GUCY1A2: variants seen among roughly 807,000 people sequenced by gnomAD.
GUCY1A2 encodes guanylate cyclase soluble subunit alpha-2.
Under a neutral mutation model 63.5 loss-of-function variants are expected in GUCY1A2, and 27 were observed. That is an observed-to-expected ratio of 0.43 (90% CI 0.31 to 0.59). The LOEUF (loss-of-function observed/expected upper bound fraction) is 0.59, where lower values mean the gene tolerates loss of function less well. Among genes scored for constraint, GUCY1A2 ranks in the 20% least tolerant of loss-of-function variants. GUCY1A2 has a pLI of 0.11. For missense variants in GUCY1A2, 768 were observed against 913.3 expected (o/e 0.84, Z 2.05); for synonymous variants, 364 against 343.5 (o/e 1.06, Z -0.66).
At chr11:106,979,371 T>C (rs11821702) in intron 2 of GUCY1A2, among the ~76,000 whole-genome samples, 16,203 of 147,344 alleles carry the variant, frequency 0.11, 1,520 homozygotes, top group East Asian at 0.3. Flanking sequence ...AGAAGAATGG[T>C]GTGAACCCAG....
At chr11:106,936,769 C>A (rs1860683838) in intron 4 of GUCY1A2, 4 of 899,184 alleles carry the variant, frequency 4.4e-6, no homozygotes, top group Admixed American at 2.2e-5. Flanking sequence ...AATGCACAAA[C>A]AAAACAGTTA....
chr11:106,889,436 A>T (rs1859945768), intron 4 of GUCY1A2, among the ~76,000 whole-genome samples: 1 of 152,154 alleles, frequency 6.6e-6, no homozygotes, highest in Non-Finnish European at 1.5e-5. Context: ...CCTATCTCAG[A>T]TCTGCTTAAA....
chr11:106,847,852 GCTT>G (rs1186128373), intron 4 of GUCY1A2, among the ~76,000 whole-genome samples: 1 of 151,540 alleles, frequency 6.6e-6, no homozygotes, highest in African/African-American at 2.4e-5. Context: ...AATAAGAAAT[GCTT>G]TTTTTTAAAT....
At chr11:106,805,306 C>A (rs957194227) in intron 5 of GUCY1A2, among the ~76,000 whole-genome samples, 6 of 150,874 alleles carry the variant, frequency 4.0e-5, no homozygotes, top group African/African-American at 1.5e-4. Context: ...AATGCAGTGG[C>A]GTGATCTCAG....
At chr11:106,898,699 G>T (rs573970150) in intron 4 of GUCY1A2, among the ~76,000 whole-genome samples, 52 of 152,140 alleles carry the variant, frequency 3.4e-4, no homozygotes, top group Admixed American at 1.0e-3. Context: ...GGGGTTAAGG[G>T]GTAGGGAAGG....
At chr11:106,987,187 T>A (rs964482570) in intron 1 of GUCY1A2, among the ~76,000 whole-genome samples, 1 of 152,208 alleles carries the variant, frequency 6.6e-6, no homozygotes, top group Non-Finnish European at 1.5e-5. Context: ...GGAATACGAA[T>A]GTAATACAAA....
intron 6 of GUCY1A2, among the ~76,000 whole-genome samples, chr11:106,754,355 C>G (rs2135387254): frequency 6.6e-6 from 1 of 152,268 alleles, no homozygotes; most frequent in Admixed American, 6.5e-5. Flanking sequence ...ATTTCTTTCT[C>G]TTGCCTGATT....
At chr11:106,991,781 T>G (rs905196602) in intron 1 of GUCY1A2, among the ~76,000 whole-genome samples, 1 of 152,194 alleles carries the variant, frequency 6.6e-6, no homozygotes, top group Non-Finnish European at 1.5e-5. Flanking sequence ...ATACGAGATT[T>G]TTTTCTTTAA....
intron 4 of GUCY1A2, among the ~76,000 whole-genome samples, chr11:106,863,954 T>C (rs373765142): frequency 4.3e-4 from 66 of 152,158 alleles, no homozygotes; most frequent in African/African-American, 1.4e-3. Flanking sequence ...TAGGAATGCT[T>C]GTGATTTTTG....
chr11:106,964,222 T>C (rs982342492), intron 3 of GUCY1A2, among the ~76,000 whole-genome samples: 1 of 152,232 alleles, frequency 6.6e-6, no homozygotes. Flanking sequence ...TACCTTATAG[T>C]TGTATTATTT....
At chr11:106,885,858 G>T (rs1859891604) in intron 4 of GUCY1A2, among the ~76,000 whole-genome samples, 1 of 152,152 alleles carries the variant, frequency 6.6e-6, no homozygotes, top group Non-Finnish European at 1.5e-5. Context: ...CTTATAAAAT[G>T]TTATTATTGC....
At chr11:106,975,679 A>G (rs766710928) in intron 3 of GUCY1A2, among the ~76,000 whole-genome samples, 2 of 152,156 alleles carry the variant, frequency 1.3e-5, no homozygotes, top group Non-Finnish European at 2.9e-5. Context: ...AAATAGAAAC[A>G]ACCAGTTTCT....
chr11:106,966,383 C>T (rs1291003455), intron 3 of GUCY1A2, among the ~76,000 whole-genome samples: 2 of 152,148 alleles, frequency 1.3e-5, no homozygotes, highest in African/African-American at 4.8e-5. Flanking sequence ...GCTGGGATTA[C>T]AGGAATGAGC....
chr11:106,882,310 G>A (rs1859835254), intron 4 of GUCY1A2, among the ~76,000 whole-genome samples: 1 of 152,056 alleles, frequency 6.6e-6, no homozygotes, highest in African/African-American at 2.4e-5. Context: ...GAGTAGGCTA[G>A]GACTTACATT....
chr11:106,858,385 G>A (rs1859465232), intron 4 of GUCY1A2, among the ~76,000 whole-genome samples: 1 of 152,052 alleles, frequency 6.6e-6, no homozygotes, highest in South Asian at 2.1e-4. Flanking sequence ...AAAGGACTTA[G>A]GGCACTATAA....
intron 4 of GUCY1A2, among the ~76,000 whole-genome samples, chr11:106,850,325 A>G (rs567705685): frequency 6.6e-6 from 1 of 151,902 alleles, no homozygotes; most frequent in African/African-American, 2.4e-5. Context: ...AATCACCTCA[A>G]ACATTTATTA....
chr11:106,751,476 T>C (rs1190564035), intron 6 of GUCY1A2, among the ~76,000 whole-genome samples: 1 of 152,130 alleles, frequency 6.6e-6, no homozygotes, highest in African/African-American at 2.4e-5. Context: ...CCCTTAGGGA[T>C]TCCCTTCATG....
chr11:106,962,423 C>A (rs1027936917), intron 3 of GUCY1A2, among the ~76,000 whole-genome samples: 4 of 151,348 alleles, frequency 2.6e-5, no homozygotes, highest in African/African-American at 9.7e-5. Context: ...TTTGTGGTAG[C>A]ATGTGCCTGT....
At chr11:106,988,780 C>T in intron 1 of GUCY1A2, among the ~76,000 whole-genome samples, 1 of 152,210 alleles carries the variant, frequency 6.6e-6, no homozygotes, top group East Asian at 1.9e-4. Context: ...CAATCCAAGA[C>T]TGACTTCAAC....
Sources: gnomAD v4.1 joint callset for allele counts (sites outside exome capture counted in the v4.1 genomes callset) on GRCh38, gnomAD v4.1.1 for gene constraint, MANE v1.5 for transcripts, NCBI Gene and HGNC (gene_info 2026-07-23, HGNC 2026-07-21) for gene names.